Variants in RASAL2 observed in about 807,000 individuals in gnomAD.
RASAL2 encodes RAS protein activator like 2.
RASAL2 carries 58 observed loss-of-function variants against 128.9 expected under a neutral mutation model. That is an observed-to-expected ratio of 0.45 (90% CI 0.36 to 0.56). The LOEUF is 0.56. Ranked by LOEUF, RASAL2 falls within the 20% of genes least tolerant of loss-of-function variation. The pLI, the probability that RASAL2 is intolerant of heterozygous loss-of-function variation, is 0.00. For missense variants in RASAL2, 1,360 were observed against 1,601.6 expected (o/e 0.85, Z 2.57); for synonymous variants, 561 against 580.8 (o/e 0.97, Z 0.49).
intron 1 of RASAL2, among the ~76,000 whole-genome samples, chr1:178,137,770 A>T (rs1660379629): frequency 6.6e-6 from 1 of 152,190 alleles, no homozygotes; most frequent in African/African-American, 2.4e-5. Context: ...AGAGTTAAAG[A>T]TTTTGTGAAA....
At chr1:178,118,313 A>G (rs1300792473) in intron 1 of RASAL2, among the ~76,000 whole-genome samples, 2 of 152,112 alleles carry the variant, frequency 1.3e-5, no homozygotes, top group Non-Finnish European at 2.9e-5. Flanking sequence ...AGCTCATTAC[A>G]TTTATTGTAT....
chr1:178,413,932 G>A (rs1411069332), intron 4 of RASAL2, among the ~76,000 whole-genome samples: 3 of 152,124 alleles, frequency 2.0e-5, no homozygotes, highest in Non-Finnish European at 4.4e-5. Flanking sequence ...TTCTGAGCTT[G>A]AGGACACCTC....
At chr1:178,448,434 A>C (rs1267554757) in intron 9 of RASAL2, among the ~76,000 whole-genome samples, 1 of 152,198 alleles carries the variant, frequency 6.6e-6, no homozygotes, top group Non-Finnish European at 1.5e-5. Flanking sequence ...AAGCAGACAC[A>C]TTATAGTAGC....
chr1:178,165,094 A>G (rs1249837317), intron 1 of RASAL2, among the ~76,000 whole-genome samples: 1 of 152,084 alleles, frequency 6.6e-6, no homozygotes, highest in East Asian at 1.9e-4. Flanking sequence ...ACCATTTTAT[A>G]TAAGAGTCTT....
intron 13 of RASAL2, 60 bp from the exon 14 acceptor site, chr1:178,457,623 G>T: frequency 1.3e-6 from 2 of 1,547,286 alleles, no homozygotes; most frequent in South Asian, 2.5e-5. Context: ...CTGAATTGAG[G>T]CATCTTAGCC....
At chr1:178,276,917 G>T (rs968968195) in intron 1 of RASAL2, among the ~76,000 whole-genome samples, 1 of 151,752 alleles carries the variant, frequency 6.6e-6, no homozygotes, top group Non-Finnish European at 1.5e-5. Context: ...GGGAGGCCGA[G>T]GCTGGCGGAT....
chr1:178,458,223 A>G lies in RASAL2; in HGVS notation c.2931A>G (p.Lys977=). Residue 977 remains lysine, a synonymous_variant, in exon 14 of 18, where the codon AAA becomes AAG. Transcript: ENST00000367649. ...ATAGCAGCATGGAAGATTTCACTAAACGTAGCACTCAGAGTGAGGACTTCT... is the reference window on the plus strand; with the variant it reads ...ATAGCAGCATGGAAGATTTCACTAAGCGTAGCACTCAGAGTGAGGACTTCT... The part of the protein sequence containing the change: ...PSNSSMEDFT[K]RSTQSEDFSR... 6.2e-7 allele frequency: 1 copy of G among 1,614,256 alleles called. No individual in the cohort carries two copies. Among genetic ancestry groups the G allele is most frequent in the East Asian group, 2.2e-5 (1 of 44,886 alleles).
At chr1:178,387,671 A>G (rs979309546) in intron 3 of RASAL2, among the ~76,000 whole-genome samples, 2 of 152,114 alleles carry the variant, frequency 1.3e-5, no homozygotes, top group Non-Finnish European at 2.9e-5. Flanking sequence ...GATGGTTTCC[A>G]GTTTCATCCG....
chr1:178,104,012 A>C (rs1446437030), intron 1 of RASAL2, among the ~76,000 whole-genome samples: 2 of 151,870 alleles, frequency 1.3e-5, no homozygotes, highest in African/African-American at 4.8e-5. Context: ...CTCTACATAC[A>C]CTAAGTACCT....
At chr1:178,268,991 A>G (rs866268691) in intron 1 of RASAL2, among the ~76,000 whole-genome samples, 3 of 152,160 alleles carry the variant, frequency 2.0e-5, no homozygotes, top group Non-Finnish European at 4.4e-5. Flanking sequence ...TCTATTATGA[A>G]CTGAGTGTGT....
At chr1:178,414,118 A>G (rs1027856628) in intron 4 of RASAL2, among the ~76,000 whole-genome samples, 2 of 152,244 alleles carry the variant, frequency 1.3e-5, no homozygotes, top group African/African-American at 4.8e-5. Context: ...GGTTATGTCC[A>G]AATAAACCCA....
chr1:178,128,599 A>G (rs1328523232), intron 1 of RASAL2, among the ~76,000 whole-genome samples: 1 of 152,152 alleles, frequency 6.6e-6, no homozygotes, highest in Non-Finnish European at 1.5e-5. Flanking sequence ...ACTGATTATT[A>G]GTAAATTTAT....
chr1:178,391,546 A>G (rs565796660), intron 4 of RASAL2, among the ~76,000 whole-genome samples: 2 of 152,334 alleles, frequency 1.3e-5, no homozygotes, highest in African/African-American at 4.8e-5. Flanking sequence ...TGTAATACCA[A>G]TAGTAGTGTG....
chr1:178,282,121 A>G (rs1448037546), intron 1 of RASAL2, among the ~76,000 whole-genome samples: 1 of 152,128 alleles, frequency 6.6e-6, no homozygotes, highest in South Asian at 2.1e-4. Flanking sequence ...TGCGGAGGAG[A>G]TACAAACAGA....
At chr1:178,306,230 T>C (rs894782343) in intron 3 of RASAL2, among the ~76,000 whole-genome samples, 2 of 152,210 alleles carry the variant, frequency 1.3e-5, no homozygotes, top group Admixed American at 1.3e-4. Context: ...CATGAACTTA[T>C]CATTTTTTAT....
At chr1:178,301,004 T>C (rs537700537) in intron 3 of RASAL2, among the ~76,000 whole-genome samples, 1 of 152,360 alleles carries the variant, frequency 6.6e-6, no homozygotes, top group East Asian at 1.9e-4. Flanking sequence ...TTGTTTGTGT[T>C]TTCTAAAATC....
intron 1 of RASAL2, among the ~76,000 whole-genome samples, chr1:178,249,331 C>T (rs1277753923): frequency 2.0e-5 from 3 of 151,782 alleles, no homozygotes; most frequent in African/African-American, 4.8e-5. Flanking sequence ...TTGATCGATT[C>T]AGCTATAGAT....
intron 3 of RASAL2, among the ~76,000 whole-genome samples, chr1:178,378,086 A>G (rs963563540): frequency 2.0e-5 from 3 of 152,084 alleles, no homozygotes; most frequent in Middle Eastern, 3.4e-3. Context: ...ATAAAATCCA[A>G]TTATATCATA....
chr1:178,411,493 C>T lies in RASAL2; in HGVS notation c.565-9018C>T, dbSNP rs1367860345. 10 of 520,830 alleles carry T rather than the reference C, an allele frequency of 1.9e-5. No homozygotes were observed. In the African/African-American group the frequency reaches 1.9e-4, roughly 10 times the overall value. 32.3% of individuals were successfully genotyped at this position (520,830 alleles called of 1,614,324 possible). On this transcript the variant is annotated intron_variant, in intron 4 of 17. Transcript: ENST00000367649. ...GGTGCCCCAAAATCTCACAAATCACCACTAAAGAACTTTTCCATGCAATCA... is the reference window on the plus strand; with the variant it reads ...GGTGCCCCAAAATCTCACAAATCACTACTAAAGAACTTTTCCATGCAATCA...
Sources: gnomAD v4.1 joint callset for allele counts (sites outside exome capture counted in the v4.1 genomes callset) on GRCh38, gnomAD v4.1.1 for gene constraint, MANE v1.5 for transcripts, NCBI Gene and HGNC (gene_info 2026-07-23, HGNC 2026-07-21) for gene names.